Variants in TNIK observed in about 807,000 individuals in gnomAD.
The protein encoded by TNIK is TRAF2 and NCK-interacting protein kinase.
A neutral mutation model predicts 191.3 loss-of-function variants in TNIK; 49 were observed. The observed-to-expected ratio is 0.26, with a 90% confidence interval of 0.20 to 0.32. TNIK has a LOEUF of 0.32. Ranked by LOEUF, TNIK falls within the 10% of genes least tolerant of loss-of-function variation. The pLI, the probability that TNIK is intolerant of heterozygous loss-of-function variation, is 1.00. For missense variants in TNIK, 1,155 were observed against 1,702.3 expected, an observed-to-expected ratio of 0.68 and a Z score of 5.66; for synonymous variants, 594 against 600.9, an observed-to-expected ratio of 0.99 and a Z score of 0.17.
chr3:171,184,698 G>A lies in TNIK; in HGVS notation c.639+4004C>T, dbSNP rs114441748. ...TGTCCTCTCAGGTGACACCCTGCACGGCGGAAACTCTACCACTAGTTAGGT... is the reference window on the plus strand; with the variant it reads ...TGTCCTCTCAGGTGACACCCTGCACAGCGGAAACTCTACCACTAGTTAGGT... On this transcript the variant is annotated intron_variant, in intron 7 of 32. Coordinates refer to ENST00000436636, the MANE Select transcript of TNIK (RefSeq NM_015028.4). Among the ~76,000 whole-genome samples the A allele has an allele frequency of 5.5e-3, 839 of 152,270 alleles. 3 individuals are homozygous for A. The highest frequency in any genetic ancestry group is 0.02 in the South Asian group (95 of 4,826).
chr3:171,352,948 A>AT (rs752949632), intron 2 of TNIK, among the ~76,000 whole-genome samples: 3 of 152,312 alleles, frequency 2.0e-5, no homozygotes, highest in South Asian at 2.1e-4. Context: ...ATAGCAACAT[A>AT]TTTTGGCTGG....
intron 29 of TNIK, among the ~76,000 whole-genome samples, chr3:171,070,923 A>G (rs539440503): frequency 6.2e-4 from 94 of 152,290 alleles, no homozygotes; most frequent in African/African-American, 2.0e-3. Context: ...CTTTATAACA[A>G]ATGTCATTGC....
At chr3:171,342,683 A>G (rs1757656500) in intron 2 of TNIK, among the ~76,000 whole-genome samples, 2 of 152,172 alleles carry the variant, frequency 1.3e-5, no homozygotes, top group South Asian at 4.2e-4. Flanking sequence ...GATATGAATA[A>G]ATGAATGAAT....
intron 1 of TNIK, among the ~76,000 whole-genome samples, chr3:171,408,699 GC>G (rs1722018036): frequency 6.6e-6 from 1 of 152,080 alleles, no homozygotes; most frequent in African/African-American, 2.4e-5. Flanking sequence ...ATGCTAAAGG[GC>G]CTGATACCTA....
intron 2 of TNIK, among the ~76,000 whole-genome samples, chr3:171,267,231 TAAG>T (rs752285061): frequency 1.8e-4 from 28 of 152,340 alleles, no homozygotes; most frequent in African/African-American, 6.7e-4. Flanking sequence ...GACATCTTGC[TAAG>T]AAGAGCCAAG....
chr3:171,424,601 A>G (rs1040868326), intron 1 of TNIK, among the ~76,000 whole-genome samples: 1 of 152,216 alleles, frequency 6.6e-6, no homozygotes, highest in African/African-American at 2.4e-5. Flanking sequence ...CAACAGTGAT[A>G]GACTGGATTG....
chr3:171,071,445 A>C, intron 28 of TNIK, 122 bp from the exon 29 acceptor site: 1 of 762,948 alleles, frequency 1.3e-6, no homozygotes, highest in Non-Finnish European at 2.0e-6. Context: ...TGTCAGCTTC[A>C]TGAAGGTGAT....
At position 171,059,172 on chromosome 3, in the gene TNIK, T is replaced by C. The variant is rs1717615108; in HGVS notation, c.*4709A>G. On this transcript the variant is annotated 3_prime_UTR_variant, in exon 33 of 33. Transcript: ENST00000436636. Reference sequence around the variant, plus strand: ...TGCAAGGAGTGAGTTTGAAGATATGTACACAAACTCAAAAATCTGTAAACT... The same window carrying C: ...TGCAAGGAGTGAGTTTGAAGATATGCACACAAACTCAAAAATCTGTAAACT... Among the ~76,000 whole-genome samples the C allele has an allele frequency of 6.6e-6, 1 of 152,230 alleles. No homozygotes were observed. The highest frequency in any genetic ancestry group is 1.9e-4 in the East Asian group (1 of 5,204).
chr3:171,365,203 A>G (rs901679705), intron 2 of TNIK, among the ~76,000 whole-genome samples: 1 of 34,858 alleles, frequency 2.9e-5, no homozygotes, highest in African/African-American at 6.9e-5. Context: ...TTTTTTTGAG[A>G]CAGAGTTTCG....
chr3:171,249,461 T>C (rs529774353), intron 2 of TNIK, among the ~76,000 whole-genome samples: 1 of 152,282 alleles, frequency 6.6e-6, no homozygotes, highest in East Asian at 1.9e-4. Flanking sequence ...TGCTGCCAAC[T>C]TAAGGGGGCT....
At chr3:171,219,118 TATAA>T (rs1052452252) in intron 3 of TNIK, among the ~76,000 whole-genome samples, 12 of 133,292 alleles carry the variant, frequency 9.0e-5, no homozygotes, top group Non-Finnish European at 1.2e-4. Flanking sequence ...ATATATTTTA[TATAA>T]ATATATAATT....
At chr3:171,195,160 C>T (rs948801185) in intron 4 of TNIK, among the ~76,000 whole-genome samples, 1 of 152,126 alleles carries the variant, frequency 6.6e-6, no homozygotes, top group Non-Finnish European at 1.5e-5. Flanking sequence ...CAAATAAATT[C>T]AATAAACAAT....
intron 3 of TNIK, among the ~76,000 whole-genome samples, chr3:171,215,091 G>A (rs796370266): frequency 6.6e-6 from 1 of 152,008 alleles, no homozygotes; most frequent in South Asian, 2.1e-4. Flanking sequence ...AGAAGCAGAG[G>A]CCCGAAAAGC....
chr3:171,308,938 C>G (rs1313878536), intron 2 of TNIK, among the ~76,000 whole-genome samples: 2 of 152,156 alleles, frequency 1.3e-5, no homozygotes, highest in South Asian at 4.1e-4. Context: ...AATGCTTATA[C>G]ACTGCTGGTG....
chr3:171,147,105 C>T (rs1731729643), intron 12 of TNIK, among the ~76,000 whole-genome samples: 1 of 152,140 alleles, frequency 6.6e-6, no homozygotes, highest in East Asian at 1.9e-4. Flanking sequence ...CCTTGGAGAG[C>T]TCCTGTTGCT....
chr3:171,360,887 T>C (rs1714876821), intron 2 of TNIK, among the ~76,000 whole-genome samples: 1 of 152,244 alleles, frequency 6.6e-6, no homozygotes, highest in Non-Finnish European at 1.5e-5. Flanking sequence ...TGAAGTGATC[T>C]ATTTTCATGT....
intron 21 of TNIK, among the ~76,000 whole-genome samples, chr3:171,104,594 T>A (rs1724374468): frequency 6.6e-6 from 1 of 152,206 alleles, no homozygotes; most frequent in Admixed American, 6.5e-5. Context: ...AAAGGTTAAC[T>A]ATTATGCACA....
At chr3:171,176,516 C>T (rs1735975651) in intron 8 of TNIK, among the ~76,000 whole-genome samples, 1 of 152,158 alleles carries the variant, frequency 6.6e-6, no homozygotes, top group African/African-American at 2.4e-5. Flanking sequence ...GCAAGTCTGA[C>T]CCTGAGTGAA....
intron 14 of TNIK, among the ~76,000 whole-genome samples, chr3:171,138,716 T>G (rs1474048215): frequency 1.3e-5 from 2 of 151,966 alleles, no homozygotes; most frequent in Non-Finnish European, 2.9e-5. Context: ...GGCATACAAC[T>G]CCTAGAAAAA....
Sources: gnomAD v4.1 joint callset for allele counts (sites outside exome capture counted in the v4.1 genomes callset) on GRCh38, gnomAD v4.1.1 for gene constraint, MANE v1.5 for transcripts, NCBI Gene and HGNC (gene_info 2026-07-23, HGNC 2026-07-21) for gene names.